Variants in CBFB observed in about 807,000 individuals in gnomAD.
CBFB encodes the protein core-binding factor subunit beta, also known as CBF-beta.
Under a neutral mutation model 30.4 loss-of-function variants are expected in CBFB, and 9 were observed. That is an observed-to-expected ratio of 0.30 (90% CI 0.18 to 0.52). CBFB has a LOEUF of 0.52. Ranked by LOEUF, CBFB falls within the 20% of genes least tolerant of loss-of-function variation. The pLI, the probability that CBFB is intolerant of heterozygous loss-of-function variation, is 0.97. For missense variants in CBFB, 170 were observed against 244.0 expected (o/e 0.70, Z 2.02); for synonymous variants, 94 against 84.0 (o/e 1.12, Z -0.65).
chr16:67,048,532 A>G (rs757140984), intron 3 of CBFB, among the ~76,000 whole-genome samples: 11 of 152,082 alleles, frequency 7.2e-5, no homozygotes, highest in South Asian at 2.1e-4. Context: ...TAATTCACCA[A>G]TTACACAACT....
intron 4 of CBFB, among the ~76,000 whole-genome samples, chr16:67,078,386 T>C (rs1384299985): frequency 6.6e-6 from 1 of 151,946 alleles, no homozygotes; most frequent in Non-Finnish European, 1.5e-5. Context: ...CATCTCTCTA[T>C]AAAAAATTTA....
intron 3 of CBFB, 118 bp downstream of exon 3, chr16:67,036,873 G>T: frequency 4.5e-5 from 29 of 651,670 alleles, no homozygotes; most frequent in South Asian, 1.2e-4. Context: ...GCTCAGATTT[G>T]TTTTCATTCC....
At chr16:67,089,982 A>T (rs1275486947) in intron 5 of CBFB, among the ~76,000 whole-genome samples, 1 of 152,188 alleles carries the variant, frequency 6.6e-6, no homozygotes, top group African/African-American at 2.4e-5. Context: ...GTCATATCCT[A>T]ACTTTAGACT....
At chr16:67,040,045 C>T (rs866126048) in intron 3 of CBFB, among the ~76,000 whole-genome samples, 3 of 152,176 alleles carry the variant, frequency 2.0e-5, no homozygotes, top group Admixed American at 6.5e-5. Flanking sequence ...TGTACTGTTC[C>T]GTGCCACTGT....
At chr16:67,091,076 T>C (rs1961865850) in intron 5 of CBFB, among the ~76,000 whole-genome samples, 1 of 152,186 alleles carries the variant, frequency 6.6e-6, no homozygotes, top group African/African-American at 2.4e-5. Flanking sequence ...TTTTGGGTAA[T>C]GGCAGTAGAT....
chr16:67,035,325 TCTACCTGC>T (rs1469008184), intron 2 of CBFB, among the ~76,000 whole-genome samples: 1 of 152,170 alleles, frequency 6.6e-6, no homozygotes, highest in Non-Finnish European at 1.5e-5. Context: ...CCTCAGATGG[TCTACCTGC>T]CTTGCCTCCC....
At chr16:67,034,806 C>T (rs1489754645) in intron 2 of CBFB, among the ~76,000 whole-genome samples, 1 of 152,180 alleles carries the variant, frequency 6.6e-6, no homozygotes, top group Non-Finnish European at 1.5e-5. Flanking sequence ...TCTTTTCTGC[C>T]ACCACTCTGC....
Position 67,053,242 on chromosome 16 carries a change from TTCTC to T in CBFB, c.283-13436_283-13433del, listed in dbSNP as rs1368443172. Among the ~76,000 whole-genome samples the T allele has an allele frequency of 4.6e-3, 696 of 150,456 alleles. 5 individuals carry two copies. Among genetic ancestry groups the T allele is most frequent in the African/African-American group, 0.016 (652 of 40,854 alleles). Reference sequence around the variant, plus strand: ...GTAAACAACGGACTCTAATGTCACTTTCTCTCTTTTTTTTTTTTTTTTTTTTTGG... The same window carrying T: ...GTAAACAACGGACTCTAATGTCACTTTCTTTTTTTTTTTTTTTTTTTTTGG... On this transcript the variant is annotated intron_variant, in intron 3 of 5. Transcript: ENST00000412916.
chr16:67,055,357 CTTTTTTTTTTTTT>C (rs1163773529), intron 3 of CBFB, among the ~76,000 whole-genome samples: 10 of 81,474 alleles, frequency 1.2e-4, no homozygotes, highest in African/African-American at 3.8e-4. Context: ...CAGACACTTT[CTTTTTTTTTTTTT>C]TTTTTTTTTT....
At chr16:67,098,601 C>T in intron 5 of CBFB, 109 bp from the exon 6 acceptor site, 1 of 619,792 alleles carries the variant, frequency 1.6e-6, no homozygotes, top group Non-Finnish European at 2.9e-6. Context: ...TGGCTGAAAA[C>T]TTTTTAGTTA....
intron 4 of CBFB, among the ~76,000 whole-genome samples, chr16:67,069,485 C>T (rs1359111538): frequency 2.0e-5 from 3 of 152,080 alleles, no homozygotes; most frequent in Non-Finnish European, 4.4e-5. Flanking sequence ...TCTTGGGGAC[C>T]TGTGGGACAC....
chr16:67,042,779 C>T (rs756516687), intron 3 of CBFB, among the ~76,000 whole-genome samples: 2 of 152,040 alleles, frequency 1.3e-5, no homozygotes, highest in Non-Finnish European at 2.9e-5. Flanking sequence ...GCTCTGTCAT[C>T]CAGGCTGGAG....
At chr16:67,031,202 A>T (rs982317104) in intron 2 of CBFB, among the ~76,000 whole-genome samples, 1 of 152,254 alleles carries the variant, frequency 6.6e-6, no homozygotes, top group Non-Finnish European at 1.5e-5. Context: ...GATACTGGTT[A>T]AATTTATCAG....
At chr16:67,054,654 CTT>C (rs961098771) in intron 3 of CBFB, among the ~76,000 whole-genome samples, 10 of 152,134 alleles carry the variant, frequency 6.6e-5, no homozygotes, top group African/African-American at 2.4e-4. Flanking sequence ...CTTACTGTCT[CTT>C]TTGTCTTTTT....
chr16:67,075,751 A>G (rs1234243063), intron 4 of CBFB, among the ~76,000 whole-genome samples: 1 of 152,218 alleles, frequency 6.6e-6, no homozygotes, highest in Admixed American at 6.5e-5. Flanking sequence ...GCGTGGTCAC[A>G]CAAATACACT....
At chr16:67,038,284 G>GTATATA (rs377342177) in intron 3 of CBFB, among the ~76,000 whole-genome samples, 3 of 148,990 alleles carry the variant, frequency 2.0e-5, no homozygotes, top group African/African-American at 7.4e-5. Flanking sequence ...AATCTTGTGT[G>GTATATA]TATATATATA....
intron 3 of CBFB, among the ~76,000 whole-genome samples, chr16:67,061,607 CCAAA>C (rs1001736271): frequency 3.5e-4 from 54 of 152,160 alleles, no homozygotes; most frequent in African/African-American, 1.1e-3. Context: ...CATGAAAGCA[CCAAA>C]CATTTACTTT....
intron 5 of CBFB, among the ~76,000 whole-genome samples, chr16:67,093,000 A>G (rs1242199483): frequency 6.6e-6 from 1 of 152,136 alleles, no homozygotes; most frequent in Non-Finnish European, 1.5e-5. Context: ...GGCATGAGCC[A>G]AGTGGTGCAG....
chr16:67,031,522 T>A (rs1050289190), intron 2 of CBFB, among the ~76,000 whole-genome samples: 1 of 152,268 alleles, frequency 6.6e-6, no homozygotes, highest in Admixed American at 6.5e-5. Flanking sequence ...TTTGCTTTTT[T>A]GTTTTGAGAC....
Sources: gnomAD v4.1 joint callset for allele counts (sites outside exome capture counted in the v4.1 genomes callset) on GRCh38, gnomAD v4.1.1 for gene constraint, MANE v1.5 for transcripts, NCBI Gene and HGNC (gene_info 2026-07-23, HGNC 2026-07-21) for gene names.